Variants in RGS3 observed in about 807,000 individuals in gnomAD.
RGS3 encodes the protein regulator of G protein signaling 3.
Under a neutral mutation model 132.6 loss-of-function variants are expected in RGS3, and 80 were observed. The observed-to-expected ratio is 0.60, with a 90% confidence interval of 0.50 to 0.73. RGS3 has a LOEUF of 0.73. RGS3 is among the 30% of genes least tolerant of loss of function. The pLI, the probability that RGS3 is intolerant of heterozygous loss-of-function variation, is 0.00. For synonymous variants in RGS3, 598 were observed against 620.6 expected (o/e 0.96, Z 0.54); for missense variants, 1,382 against 1,530.8 (o/e 0.90, Z 1.62).
At chr9:113,454,550 G>A (rs1349426945) in intron 1 of RGS3, among the ~76,000 whole-genome samples, 1 of 152,152 alleles carries the variant, frequency 6.6e-6, no homozygotes, top group African/African-American at 2.4e-5. Flanking sequence ...GGAGGTTGCA[G>A]TGAGCTGAGA....
intron 14 of RGS3, 37 bp downstream of exon 12, chr9:113,508,617 G>A (rs201926783): frequency 3.7e-4 from 599 of 1,608,136 alleles, no homozygotes; most frequent in Middle Eastern, 3.0e-3. Flanking sequence ...TCCTAGCTCA[G>A]AGAGGCAGCA....
At chr9:113,553,926 A>G (rs1158616946) in intron 19 of RGS3, among the ~76,000 whole-genome samples, 2 of 152,238 alleles carry the variant, frequency 1.3e-5, no homozygotes, top group East Asian at 1.9e-4. Context: ...AATGTATTTA[A>G]TTTATTGATG....
chr9:113,535,371 G>A (rs1212900420), intron 18 of RGS3, among the ~76,000 whole-genome samples: 3 of 152,024 alleles, frequency 2.0e-5, no homozygotes, highest in Admixed American at 6.5e-5. Context: ...TGGGGTTTCA[G>A]CATGTTGGCC....
chr9:113,545,022 G>A (rs1434483907), intron 19 of RGS3, among the ~76,000 whole-genome samples: 1 of 152,172 alleles, frequency 6.6e-6, no homozygotes, highest in Non-Finnish European at 1.5e-5. Context: ...GGTGGCACAG[G>A]CTGAAAAGAT....
intron 19 of RGS3, among the ~76,000 whole-genome samples, chr9:113,559,606 AG>A (rs1833710009): frequency 6.6e-6 from 1 of 152,200 alleles, no homozygotes; most frequent in African/African-American, 2.4e-5. Context: ...GCAGATAGCA[AG>A]GGGGAGACAT....
At chr9:113,520,235 C>G (rs1831875740) in intron 16 of RGS3, among the ~76,000 whole-genome samples, 1 of 152,268 alleles carries the variant, frequency 6.6e-6, no homozygotes, top group Non-Finnish European at 1.5e-5. Flanking sequence ...ATGGGCATCA[C>G]TCTCCCATGG....
chr9:113,477,366 G>T (rs536766998), intron 3 of RGS3, among the ~76,000 whole-genome samples: 1 of 152,200 alleles, frequency 6.6e-6, no homozygotes, highest in Non-Finnish European at 1.5e-5. Context: ...GATGGATGAC[G>T]GGCTGGACCA....
intron 4 of RGS3, 52 bp from the exon 3 acceptor site, chr9:113,483,007 G>A: frequency 1.2e-6 from 2 of 1,612,468 alleles, no homozygotes; most frequent in Non-Finnish European, 8.5e-7. Flanking sequence ...TTCTCGCTGT[G>A]TGTGTGTGTA....
chr9:113,525,310 A>C (rs1832152458), intron 17 of RGS3, among the ~76,000 whole-genome samples: 1 of 152,126 alleles, frequency 6.6e-6, no homozygotes, highest in African/African-American at 2.4e-5. Context: ...GCCTTCCCCC[A>C]GCTGCCCCCA....
chr9:113,554,998 A>T lies in RGS3; in HGVS notation c.2037+18080A>T, dbSNP rs1833509308. 3.3e-5 allele frequency among the ~76,000 whole-genome samples: 5 copies of T among 152,318 alleles called. No individual in the cohort carries two copies. The South Asian group carries it at 1.0e-3, about 32-fold the overall frequency. On this transcript the variant is annotated intron_variant, in intron 19 of 24. Transcript: ENST00000350696. ...CAATTAATTTAATGCCTGGTGTCAG[A>T]TGGAACTCTTATTAATTTTTTCCCC...
In RGS3 at chr9:113,507,222, C is replaced by T; in HGVS notation, c.1086-65C>T. On this transcript the variant is annotated intron_variant, in intron 12 of 24. Coordinates refer to ENST00000350696, the Ensembl canonical transcript of RGS3. This position sits in a 1 kb window ranked among gnomAD's most constrained non-coding sequence, Gnocchi z 5.0. ...CCATTATCCTCTCTGCCCTGTGGGC[C>T]CTCACTCTGGCTGATACTGGCTTTC... 7.5e-7 allele frequency: 1 copy of T among 1,339,902 alleles called. No individual in the cohort carries two copies. The highest frequency in any genetic ancestry group is 1.0e-6 in the Non-Finnish European group (1 of 966,720). The allele number at this position is 1,339,902 out of a possible 1,614,324, so 83.0% of individuals were successfully genotyped here.
At chr9:113,494,952 T>G (rs189160043) in intron 7 of RGS3, among the ~76,000 whole-genome samples, 2 of 152,080 alleles carry the variant, frequency 1.3e-5, no homozygotes, top group Non-Finnish European at 2.9e-5. Context: ...CTTGGCTCAC[T>G]GCAACTCCAC....
chr9:113,570,432 A>C (rs1185079301), intron 19 of RGS3: 1 of 152,158 alleles, frequency 6.6e-6, no homozygotes, highest in Non-Finnish European at 1.5e-5. Flanking sequence ...CCCAGGGAGC[A>C]GAAGAGGAGA....
rs1834663700 is a variant in RGS3, at chr9:113,579,048, C to T, written c.2038-4402C>T. 6.6e-6 allele frequency among the ~76,000 whole-genome samples: 1 copy of T among 151,902 alleles called. No individual in the cohort carries two copies. The highest frequency in any genetic ancestry group is 1.5e-5 in the Non-Finnish European group (1 of 68,014). On this transcript the variant is annotated intron_variant, in intron 19 of 24. Coordinates refer to ENST00000350696, the Ensembl canonical transcript of RGS3. The surrounding 1 kb of genome is among the most constrained non-coding windows in gnomAD (Gnocchi z 4.3). ...GTAAAATCCTGGCTGTTAAGGGCCA[C>T]CCTGAGACAGAGGCAAACCCCAGTT...
chr9:113,484,046 G>A lies in RGS3; in HGVS notation c.526-92G>A, dbSNP rs1830245684. 4.0e-6 allele frequency: 3 copies of A among 755,972 alleles called. No individual in the cohort carries two copies. The South Asian group carries it at 4.5e-5, about 11-fold the overall frequency. 46.8% of individuals were successfully genotyped at this position (755,972 alleles called of 1,614,324 possible). On this transcript the variant is annotated intron_variant, in intron 5 of 24. Coordinates refer to ENST00000350696, the Ensembl canonical transcript of RGS3. ...CAGAGGCTGACTTGAAGGACCCTGG[G>A]AAGCCTTTAACTTGGAGATGTGCAG...
At chr9:113,586,451 CAGGCCTGGACCAGCTCTCTCTTGTCTCA>C (rs1253848244) in intron 20 of RGS3, among the ~76,000 whole-genome samples, 1 of 152,272 alleles carries the variant, frequency 6.6e-6, no homozygotes, top group Non-Finnish European at 1.5e-5. Context: ...GGGAGTCTAG[CAGGCCTGGACCAGCTCTCTCTTGTCTCA>C]GCTTCCTCCT....
chr9:113,542,446 G>T (rs1193316309), intron 19 of RGS3, among the ~76,000 whole-genome samples: 1 of 152,236 alleles, frequency 6.6e-6, no homozygotes, highest in Non-Finnish European at 1.5e-5. Flanking sequence ...GCCCAAGTGG[G>T]TGTGAGATCA....
chr9:113,554,035 C>T (rs928834591), intron 19 of RGS3, among the ~76,000 whole-genome samples: 3 of 152,132 alleles, frequency 2.0e-5, no homozygotes, highest in South Asian at 2.1e-4. Context: ...CACACACTAC[C>T]GAAGTGCTCT....
At chr9:113,493,170 G>A (rs1397765162) in intron 7 of RGS3, among the ~76,000 whole-genome samples, 1 of 152,258 alleles carries the variant, frequency 6.6e-6, no homozygotes, top group East Asian at 1.9e-4. Context: ...GCTCAGATTA[G>A]TTTTGGCTGT....
Sources: allele counts gnomAD v4.1 joint callset (sites outside exome capture counted in the v4.1 genomes callset), GRCh38; gene constraint gnomAD v4.1.1; non-coding constraint Gnocchi (gnomAD v3.1); transcripts MANE v1.5; gene names NCBI Gene and HGNC (gene_info 2026-07-23, HGNC 2026-07-21).